TSPAN3: variants seen among roughly 807,000 people sequenced by gnomAD.
TSPAN3 encodes tetraspanin-3.
A neutral mutation model predicts 31.1 loss-of-function variants in TSPAN3; 9 were observed. That is an observed-to-expected ratio of 0.29 (90% CI 0.17 to 0.50). The LOEUF is 0.50. Among genes scored for constraint, TSPAN3 ranks in the 20% least tolerant of loss-of-function variants. The probability of loss-of-function intolerance (pLI) is 0.98; values close to 1 mark genes in which losing one functional copy is unlikely to be tolerated. For synonymous variants in TSPAN3, 129 were observed against 114.3 expected (o/e 1.13, Z -0.82); for missense variants, 252 against 313.5 (o/e 0.80, Z 1.48).
rs767650728 is a variant in TSPAN3, at chr15:77,056,163, G to A, written c.156C>T (p.Ile52=). The A allele has an allele frequency of 3.1e-6, 5 of 1,613,914 alleles. No individual in the cohort carries two copies. The highest frequency in any genetic ancestry group is 2.7e-5 in the African/African-American group (2 of 74,884). The change falls in exon 2 of 7, where the codon ATC becomes ATT. Residue 52 remains isoleucine (I), a synonymous_variant. Coordinates refer to ENST00000267970, the MANE Select transcript of TSPAN3 (RefSeq NM_005724.6). ...CTACAGCTATGATCACTACAGCAGGGATGAGCGTGTACACATCTTCAAAGA... is the reference window on the plus strand; with the variant it reads ...CTACAGCTATGATCACTACAGCAGGAATGAGCGTGTACACATCTTCAAAGA... ...DHFFEDVYTL[I]PAVVIIAVGA...
chr15:77,045,241 G>C lies in TSPAN3; in HGVS notation c.*1594C>G, dbSNP rs557455318. On this transcript the variant is annotated 3_prime_UTR_variant, in exon 7 of 7. Transcript: ENST00000267970. ...TTCTCTTCTCCCTTCTCTGTCCCAC[G>C]TCCAATCAATGATCGAATTCCACCA... 6.6e-6 allele frequency: 1 copy of C among 152,192 alleles called. No individual in the cohort carries two copies. Among genetic ancestry groups the C allele is most frequent in the Admixed American group, 6.6e-5 (1 of 15,238 alleles). 9.4% of individuals were successfully genotyped at this position (152,192 alleles called of 1,614,324 possible).
chr15:77,059,508 A>G (rs2076788291), intron 1 of TSPAN3, among the ~76,000 whole-genome samples: 1 of 152,212 alleles, frequency 6.6e-6, no homozygotes, highest in African/African-American at 2.4e-5. Context: ...GTACACACAC[A>G]CATTTTGCTA....
At chr15:77,069,079 C>T (rs996652819) in intron 1 of TSPAN3, among the ~76,000 whole-genome samples, 5 of 152,282 alleles carry the variant, frequency 3.3e-5, no homozygotes, top group African/African-American at 1.2e-4. Context: ...TTCTTCTTTT[C>T]ATTTGTTTTC....
chr15:77,056,283 T>G, intron 1 of TSPAN3, 28 bp from the exon 2 acceptor site: 1 of 1,533,062 alleles, frequency 6.5e-7, no homozygotes, highest in East Asian at 2.3e-5. Context: ...AGTACTGGTC[T>G]CTAAGCACTG....
chr15:77,052,837 G>A lies in TSPAN3; in HGVS notation c.525C>T (p.Cys175=). ...TKNQSVPLSC[C]RETASNCNGS... is the part of the protein sequence containing the mutation. ...CATTACAATTGCTGGCAGTCTCTCT[G>A]CAGCAGCTAAGAGGGACACTCTGGT... Residue 175 remains cysteine (C), a synonymous_variant, in exon 5 of 7, where the codon TGC becomes TGT. Transcript: ENST00000267970. 1 of 1,614,102 alleles carries A rather than the reference G, an allele frequency of 6.2e-7. No individual in the cohort carries two copies. Among genetic ancestry groups the A allele is most frequent in the Non-Finnish European group, 8.5e-7 (1 of 1,179,976 alleles).
intron 4 of TSPAN3, 125 bp from the exon 5 acceptor site, chr15:77,053,054 A>T (rs2076742160): frequency 1.0e-6 from 1 of 955,804 alleles, no homozygotes; most frequent in Non-Finnish European, 1.5e-6. Context: ...CTATAATGGA[A>T]AGTCTGCATG....
intron 1 of TSPAN3, chr15:77,070,027 A>G (rs1050736565): frequency 1.3e-5 from 2 of 152,196 alleles, no homozygotes; most frequent in African/African-American, 4.8e-5. Flanking sequence ...AAACGTTTTA[A>G]AAGATTTATC....
rs1366855155 is a variant in TSPAN3 at position 77,042,003 on chromosome 15, TTAATCATGGTAC to T, written c.*4820_*4831del. On this transcript the variant is annotated 3_prime_UTR_variant, in exon 7 of 7. Coordinates refer to ENST00000267970, the MANE Select transcript of TSPAN3 (RefSeq NM_005724.6). The stretch of plus-strand genomic sequence containing the variant: ...CAGGCCTGCCCTTTATACACCTTGG[TTAATCATGGTAC>T]TAATGTACCCACACAGCTAACACAA... 2.6e-5 allele frequency: 4 copies of T among 152,186 alleles called. No homozygotes were observed. The highest frequency in any genetic ancestry group is 2.0e-4 in the Admixed American group (3 of 15,272). 9.4% of individuals were successfully genotyped at this position (152,186 alleles called of 1,614,324 possible). A position where few individuals can be genotyped will look rare whatever the true frequency, so the allele number is the denominator to read the frequency against.
chr15:77,052,307 A>C, intron 6 of TSPAN3, 78 bp downstream of exon 6: 1 of 1,238,988 alleles, frequency 8.1e-7, no homozygotes, highest in Non-Finnish European at 1.2e-6. Context: ...ATTCACTGTG[A>C]TGGGGATTAA....
At position 77,041,716 on chromosome 15, in the gene TSPAN3, A is replaced by C. The variant is rs2152694079; in HGVS notation, c.*5119T>G. Reference sequence around the variant, plus strand: ...GACTTTTCCATCCAGAGTAAATCCAACTAACAAGAATCCACCCTTGGAGTT... The same window carrying C: ...GACTTTTCCATCCAGAGTAAATCCACCTAACAAGAATCCACCCTTGGAGTT... On this transcript the variant is annotated 3_prime_UTR_variant, in exon 7 of 7. Transcript: ENST00000267970. 1 of 152,236 alleles carries C rather than the reference A, an allele frequency of 6.6e-6. No homozygotes were observed. Among genetic ancestry groups the C allele is most frequent in the South Asian group, 2.1e-4 (1 of 4,824 alleles). 9.4% of individuals were successfully genotyped at this position (152,236 alleles called of 1,614,324 possible). A position where few individuals can be genotyped will look rare whatever the true frequency, so the allele number is the denominator to read the frequency against.
intron 1 of TSPAN3, among the ~76,000 whole-genome samples, chr15:77,067,329 C>T (rs541656280): frequency 2.9e-4 from 44 of 152,122 alleles, no homozygotes; most frequent in Non-Finnish European, 5.9e-4. Flanking sequence ...TCAACAGTAA[C>T]GATTTTAGCT....
chr15:77,071,015 G>T lies in TSPAN3; in HGVS notation c.-61C>A. Reference sequence around the variant, plus strand: ...CGGGGCTGCGCTCACCGAGAGAGCGGCAATGGCGGCGGCGCCTCCTCGCTA... The same window carrying T: ...CGGGGCTGCGCTCACCGAGAGAGCGTCAATGGCGGCGGCGCCTCCTCGCTA... On this transcript the variant is annotated 5_prime_UTR_variant, in exon 1 of 7. Transcript: ENST00000267970. 1 of 1,247,228 alleles carries T rather than the reference G, an allele frequency of 8.0e-7. No individual in the cohort carries two copies. The highest frequency in any genetic ancestry group is 1.0e-6 in the Non-Finnish European group (1 of 960,878). 77.3% of individuals were successfully genotyped at this position (1,247,228 alleles called of 1,614,324 possible).
Position 77,046,813 on chromosome 15 carries a change from A to C in TSPAN3, c.*22T>G, listed in dbSNP as rs753097436. 25 of 1,561,236 alleles carry C rather than the reference A, an allele frequency of 1.6e-5. No individual in the cohort carries two copies. The South Asian group carries it at 2.9e-4, about 18-fold the overall frequency. On this transcript the variant is annotated 3_prime_UTR_variant, in exon 7 of 7. Coordinates refer to ENST00000267970, the MANE Select transcript of TSPAN3 (RefSeq NM_005724.6). ...CCTTCCAAATCAGAACAAGACCAAA[A>C]AGCTCAGGCTTGAGTTGTCAACTAT...
intron 2 of TSPAN3, 21 bp downstream of exon 2, chr15:77,056,043 T>G: frequency 6.3e-7 from 1 of 1,587,098 alleles, no homozygotes; most frequent in Non-Finnish European, 8.6e-7. Context: ...TACTCCTGCA[T>G]GTTCTCACAA....
Position 77,055,852 on chromosome 15 carries a change from G to T in TSPAN3, c.267C>A (p.Ile89=). Residue 89 remains isoleucine, a synonymous_variant, in exon 3 of 7, where the codon ATC becomes ATA. Coordinates refer to ENST00000267970, the MANE Select transcript of TSPAN3 (RefSeq NM_005724.6). ...SRCGLATFVI[I]LLLVFVTEVV... is the part of the protein sequence containing the mutation. Reference sequence around the variant, plus strand: ...CTTCTGTGACAAAAACCAAGAGCAGGATGATGACAAACTGTAAGAAAACAT... The same window carrying T: ...CTTCTGTGACAAAAACCAAGAGCAGTATGATGACAAACTGTAAGAAAACAT... 4 of 1,609,448 alleles carry T rather than the reference G, an allele frequency of 2.5e-6. No individual in the cohort carries two copies. The highest frequency in any genetic ancestry group is 2.5e-6 in the Non-Finnish European group (3 of 1,178,872).
chr15:77,059,732 T>C (rs1257832717), intron 1 of TSPAN3, among the ~76,000 whole-genome samples: 2 of 152,228 alleles, frequency 1.3e-5, no homozygotes, highest in Non-Finnish European at 2.9e-5. Flanking sequence ...TCACTAGCTT[T>C]AGCCTATGTA....
chr15:77,050,219 G>A (rs1043571702), intron 6 of TSPAN3, among the ~76,000 whole-genome samples: 2 of 152,150 alleles, frequency 1.3e-5, no homozygotes, highest in Non-Finnish European at 2.9e-5. Flanking sequence ...AATGTTTACA[G>A]GTACTCTTAA....
intron 2 of TSPAN3, 69 bp from the exon 3 acceptor site, chr15:77,055,932 A>G: frequency 6.5e-7 from 1 of 1,542,032 alleles, no homozygotes; most frequent in East Asian, 2.2e-5. Flanking sequence ...CTTGATTTAA[A>G]AAAAGTTATC....
At chr15:77,049,984 G>C (rs1040130973) in intron 6 of TSPAN3, among the ~76,000 whole-genome samples, 1 of 152,188 alleles carries the variant, frequency 6.6e-6, no homozygotes, top group Admixed American at 6.5e-5. Flanking sequence ...TTGACACTCT[G>C]TGTGATGGTC....
Sources: gnomAD v4.1 joint callset for allele counts (sites outside exome capture counted in the v4.1 genomes callset) on GRCh38, gnomAD v4.1.1 for gene constraint, MANE v1.5 for transcripts, NCBI Gene and HGNC (gene_info 2026-07-23, HGNC 2026-07-21) for gene names.